The following SORL1 variants were observed in gnomAD, a reference collection of about 807,000 sequenced individuals.
SORL1 encodes the protein sortilin-related receptor.
A neutral mutation model predicts 273.7 loss-of-function variants in SORL1; 127 were observed. That is an observed-to-expected ratio of 0.46 (90% CI 0.40 to 0.54). The LOEUF is 0.54. SORL1 is among the 20% of genes least tolerant of loss of function. The pLI is 0.00. For synonymous variants in SORL1, 1,031 were observed against 1,067.4 expected, an observed-to-expected ratio of 0.97 and a Z score of 0.66; for missense variants, 2,494 against 2,846.1, an observed-to-expected ratio of 0.88 and a Z score of 2.81.
At chr11:121,509,821 A>T (rs1861848623) in intron 6 of SORL1, among the ~76,000 whole-genome samples, 1 of 152,238 alleles carries the variant, frequency 6.6e-6, no homozygotes, top group Admixed American at 6.5e-5. Context: ...ATTAAAAAAA[A>T]TCTTCTTATA....
At chr11:121,465,713 G>A (rs1055733134) in intron 1 of SORL1, among the ~76,000 whole-genome samples, 1 of 152,184 alleles carries the variant, frequency 6.6e-6, no homozygotes, top group African/African-American at 2.4e-5. Flanking sequence ...ATTTTTAGTA[G>A]AGACGGTTTT....
At chr11:121,454,608 T>C (rs971135562) in intron 1 of SORL1, among the ~76,000 whole-genome samples, 13 of 152,178 alleles carry the variant, frequency 8.5e-5, no homozygotes, top group African/African-American at 3.1e-4. Flanking sequence ...ATTTTTCTTC[T>C]CTGTGGCTGC....
chr11:121,515,182 G>A (rs61905187), intron 8 of SORL1, among the ~76,000 whole-genome samples: 3,321 of 152,298 alleles, frequency 0.022, 52 homozygotes, highest in Non-Finnish European at 0.036. Context: ...TCTAGGTATA[G>A]CCACAAAGTA....
At chr11:121,527,538 C>T (rs929667946) in intron 11 of SORL1, among the ~76,000 whole-genome samples, 1 of 151,978 alleles carries the variant, frequency 6.6e-6, no homozygotes, top group Non-Finnish European at 1.5e-5. Flanking sequence ...AACCCCTCTT[C>T]CTCTTTTTTA....
At chr11:121,487,037 C>G (rs528606017) in intron 3 of SORL1, among the ~76,000 whole-genome samples, 3 of 152,192 alleles carry the variant, frequency 2.0e-5, no homozygotes, top group Non-Finnish European at 4.4e-5. Context: ...CTGCCCTAGA[C>G]GTGGAATATT....
chr11:121,573,333 T>C (rs1301532737), intron 23 of SORL1, among the ~76,000 whole-genome samples: 1 of 152,188 alleles, frequency 6.6e-6, no homozygotes, highest in Non-Finnish European at 1.5e-5. Context: ...TCTTTCTGGC[T>C]GGGCGTGGTG....
At chr11:121,599,757 C>G (rs1863357351) in intron 32 of SORL1, among the ~76,000 whole-genome samples, 1 of 150,148 alleles carries the variant, frequency 6.7e-6, no homozygotes, top group African/African-American at 2.5e-5. Flanking sequence ...ATTAATTCTC[C>G]TGCTGTGTAC....
chr11:121,532,677 A>G (rs1002884486), intron 12 of SORL1, 125 bp downstream of exon 12: 9 of 746,378 alleles, frequency 1.2e-5, no homozygotes, highest in Middle Eastern at 4.8e-4. Flanking sequence ...ATCTCTGGAT[A>G]TGAGTTAAAC....
chr11:121,595,545 C>G lies in SORL1; in HGVS notation c.4370-78C>G, dbSNP rs969585889. The G allele has an allele frequency of 2.3e-6, 3 of 1,278,734 alleles. No individual in the cohort carries two copies. The African/African-American group carries it at 4.4e-5, about 19-fold the overall frequency. 79.2% of individuals were successfully genotyped at this position (1,278,734 alleles called of 1,614,324 possible). Reference sequence around the variant, plus strand: ...GTAATTTCTAAAGCACCGTAATCTCCTAGCATATTGATTGGTTGCTGTTAT... The same window carrying G: ...GTAATTTCTAAAGCACCGTAATCTCGTAGCATATTGATTGGTTGCTGTTAT... On this transcript the variant is annotated intron_variant, in intron 31 of 47. Coordinates refer to ENST00000260197, the MANE Select transcript of SORL1 (RefSeq NM_003105.6). This position sits in a 1 kb window ranked among gnomAD's most constrained non-coding sequence, Gnocchi z 5.1.
At chr11:121,552,957 C>T (rs116593903) in intron 16 of SORL1, among the ~76,000 whole-genome samples, 27 of 152,332 alleles carry the variant, frequency 1.8e-4, no homozygotes, top group African/African-American at 6.5e-4. Flanking sequence ...TTTCCCAAGC[C>T]GTTCCCTAAG....
rs115971377 is a variant in SORL1, at chr11:121,551,195, C to T, written c.2266+525C>T. Among the ~76,000 whole-genome samples, 470 of 152,164 alleles carry T rather than the reference C, an allele frequency of 3.1e-3. 3 individuals are homozygous for T. Among genetic ancestry groups the T allele is most frequent in the African/African-American group, 0.011 (443 of 41,490 alleles). ...ATCAATTTTGTTTTTTACTTTTTCA[C>T]GAGGAAGCATGTTCAGAGGAGGTTA... On this transcript the variant is annotated intron_variant, in intron 16 of 47. Transcript: ENST00000260197.
chr11:121,487,077 C>T (rs555754453), intron 3 of SORL1, among the ~76,000 whole-genome samples: 7 of 152,342 alleles, frequency 4.6e-5, no homozygotes, highest in Admixed American at 2.6e-4. Flanking sequence ...ACCTGCCCTG[C>T]GAGGCCCACC....
At chr11:121,537,934 A>G (rs1001863071) in intron 12 of SORL1, among the ~76,000 whole-genome samples, 5 of 152,180 alleles carry the variant, frequency 3.3e-5, no homozygotes, top group Non-Finnish European at 2.9e-5. Context: ...CTGCCATTTC[A>G]TGATGAATAT....
At chr11:121,626,267 A>G (rs931075270) in intron 46 of SORL1, 3 of 152,220 alleles carry the variant, frequency 2.0e-5, no homozygotes, top group Non-Finnish European at 2.9e-5. Flanking sequence ...CTCTTGGCCA[A>G]CATCTTGCCC....
chr11:121,619,357 A>G (rs563297199), intron 42 of SORL1, among the ~76,000 whole-genome samples: 1 of 152,370 alleles, frequency 6.6e-6, no homozygotes. Flanking sequence ...AAGAAGTATG[A>G]CAACTCTAAA....
At chr11:121,604,653 G>A (rs1056914056) in intron 33 of SORL1, among the ~76,000 whole-genome samples, 2 of 152,026 alleles carry the variant, frequency 1.3e-5, no homozygotes, top group African/African-American at 4.8e-5. Flanking sequence ...TCTCTGGAGT[G>A]TCTAGTAATG....
chr11:121,555,466 C>T, intron 18 of SORL1, 148 bp downstream of exon 18: 1 of 976,896 alleles, frequency 1.0e-6, no homozygotes, highest in Non-Finnish European at 1.5e-6. Context: ...AGCTGAGCCT[C>T]TGGAGAGGAG....
intron 29 of SORL1, 52 bp from the exon 30 acceptor site, chr11:121,589,988 G>T: frequency 6.2e-7 from 1 of 1,600,800 alleles, no homozygotes; most frequent in African/African-American, 1.3e-5. Context: ...TTGGAGCCCT[G>T]TGTTCACACT....
At chr11:121,577,461 A>G in intron 25 of SORL1, 61 bp downstream of exon 25, 1 of 1,441,564 alleles carries the variant, frequency 6.9e-7, no homozygotes, top group Admixed American at 2.5e-5. Flanking sequence ...TTAACATTAT[A>G]GCTTTAAACG....
Sources: gnomAD v4.1 joint callset for allele counts (sites outside exome capture counted in the v4.1 genomes callset) on GRCh38, gnomAD v4.1.1 for gene constraint, Gnocchi (gnomAD v3.1) non-coding constraint, MANE v1.5 for transcripts, NCBI Gene and HGNC (gene_info 2026-07-23, HGNC 2026-07-21) for gene names.